Variants in SUZ12 observed in about 807,000 individuals in gnomAD.
SUZ12 encodes the protein SUZ12 polycomb repressive complex 2 subunit.
SUZ12 carries 17 observed loss-of-function variants against 87.3 expected under a neutral mutation model. The ratio of observed to expected loss-of-function variants is 0.19; its 90% CI spans 0.13 to 0.29. The LOEUF is 0.29. Ranked by LOEUF, SUZ12 falls within the 10% of genes least tolerant of loss-of-function variation. SUZ12 has a pLI of 1.00. For missense variants in SUZ12, 526 were observed against 912.2 expected, an observed-to-expected ratio of 0.58 and a Z score of 5.45; for synonymous variants, 253 against 312.4, an observed-to-expected ratio of 0.81 and a Z score of 2.01.
chr17:31,949,276 TG>T (rs1906806843), intron 4 of SUZ12, among the ~76,000 whole-genome samples: 2 of 152,360 alleles, frequency 1.3e-5, no homozygotes, highest in South Asian at 4.1e-4. Flanking sequence ...TTGTTCCTTT[TG>T]ACCTGGTGGG....
intron 4 of SUZ12, among the ~76,000 whole-genome samples, chr17:31,957,542 G>T (rs1241602627): frequency 1.3e-5 from 2 of 151,930 alleles, no homozygotes; most frequent in Non-Finnish European, 2.9e-5. Flanking sequence ...CTCCCGAGTA[G>T]CCGGGATTAC....
At chr17:31,940,887 G>A (rs1201640542) in intron 3 of SUZ12, among the ~76,000 whole-genome samples, 1 of 151,778 alleles carries the variant, frequency 6.6e-6, no homozygotes, top group East Asian at 2.0e-4. Flanking sequence ...GTGTGTGCCT[G>A]TAATCCCAGT....
intron 8 of SUZ12, among the ~76,000 whole-genome samples, chr17:31,980,011 T>TAGAGAGAG (rs55882925): frequency 2.7e-5 from 4 of 145,962 alleles, no homozygotes; most frequent in Non-Finnish European, 4.5e-5. Flanking sequence ...TATATATGTA[T>TAGAGAGAG]AGAGAGAGAG....
At chr17:31,940,554 C>G in intron 3 of SUZ12, 68 bp downstream of exon 3, 3 of 1,472,110 alleles carry the variant, frequency 2.0e-6, no homozygotes, top group Non-Finnish European at 2.7e-6. Context: ...TACTATTTCT[C>G]AAAATTAAAA....
intron 1 of SUZ12, among the ~76,000 whole-genome samples, chr17:31,938,707 G>T (rs1906091137): frequency 6.6e-6 from 1 of 152,168 alleles, no homozygotes; most frequent in Non-Finnish European, 1.5e-5. Context: ...ATACTTGTTT[G>T]TACCCCTTCT....
chr17:31,969,517 A>G (rs777476856), intron 5 of SUZ12, among the ~76,000 whole-genome samples: 1 of 151,316 alleles, frequency 6.6e-6, no homozygotes, highest in South Asian at 2.1e-4. Context: ...CTGGACTCAA[A>G]CTCCTGGCCT....
At chr17:31,944,316 T>C (rs951398205) in intron 3 of SUZ12, among the ~76,000 whole-genome samples, 5 of 151,442 alleles carry the variant, frequency 3.3e-5, no homozygotes, top group African/African-American at 1.2e-4. Context: ...TTAGGAGAGA[T>C]GGGGTTTCTC....
At chr17:31,974,284 C>G (rs999212436) in intron 6 of SUZ12, among the ~76,000 whole-genome samples, 5 of 152,170 alleles carry the variant, frequency 3.3e-5, no homozygotes, top group Non-Finnish European at 5.9e-5. Flanking sequence ...CCTGTAATCC[C>G]AGCACTTTGA....
chr17:31,957,279 G>A (rs1426070925), intron 4 of SUZ12, among the ~76,000 whole-genome samples: 1 of 149,508 alleles, frequency 6.7e-6, no homozygotes, highest in Non-Finnish European at 1.5e-5. Flanking sequence ...TTGCTTTGTT[G>A]CCCAGGCTGT....
At chr17:31,994,081 T>A (rs1598189846) in intron 12 of SUZ12, 73 bp downstream of exon 12, 1 of 1,411,308 alleles carries the variant, frequency 7.1e-7, no homozygotes, top group Non-Finnish European at 9.4e-7. Context: ...TACATCTATG[T>A]ACCCACAAAA....
At chr17:31,974,482 G>A (rs1409197056) in intron 6 of SUZ12, among the ~76,000 whole-genome samples, 5 of 152,096 alleles carry the variant, frequency 3.3e-5, no homozygotes, top group South Asian at 2.1e-4. Context: ...AGCCGAGATC[G>A]CACAACTGCA....
At chr17:31,969,611 A>G (rs1033635172) in intron 5 of SUZ12, among the ~76,000 whole-genome samples, 3 of 152,126 alleles carry the variant, frequency 2.0e-5, no homozygotes, top group Non-Finnish European at 2.9e-5. Flanking sequence ...TAACTATTCT[A>G]TTTTAACTTT....
At chr17:31,960,256 G>C (rs1907619674) in intron 4 of SUZ12, among the ~76,000 whole-genome samples, 2 of 152,156 alleles carry the variant, frequency 1.3e-5, no homozygotes, top group Middle Eastern at 6.8e-3. Flanking sequence ...TGTTGCCCAG[G>C]TTGGAGTGCA....
chr17:31,961,151 T>TA (rs995678799), intron 4 of SUZ12, among the ~76,000 whole-genome samples: 9 of 150,784 alleles, frequency 6.0e-5, no homozygotes, highest in African/African-American at 2.2e-4. Flanking sequence ...AGGCAGAAGT[T>TA]ACAGTGAGCC....
rs1598171288 is a variant in SUZ12 at position 31,972,919 on chromosome 17, G to A, written c.506-227G>A. Among the ~76,000 whole-genome samples, 19 of 149,206 alleles carry A rather than the reference G, an allele frequency of 1.3e-4. No homozygotes were observed. In the Middle Eastern group the frequency reaches 0.01, roughly 80 times the overall value. ...TGGAAAAAAAAATTACAGCATATAG[G>A]ACGGTAATTATATTTGTTTTGTGAG... On this transcript the variant is annotated intron_variant, in intron 5 of 15. Coordinates refer to ENST00000322652, the MANE Select transcript of SUZ12 (RefSeq NM_015355.4).
At chr17:31,989,851 C>A (rs546141496) in intron 10 of SUZ12, among the ~76,000 whole-genome samples, 1 of 150,596 alleles carries the variant, frequency 6.6e-6, no homozygotes, top group Non-Finnish European at 1.5e-5. Flanking sequence ...CCTTGTGATC[C>A]GCCCGCCTTG....
chr17:31,973,531 G>A (rs908955286), intron 6 of SUZ12, among the ~76,000 whole-genome samples: 4 of 152,170 alleles, frequency 2.6e-5, no homozygotes, highest in Admixed American at 6.6e-5. Flanking sequence ...ATCTGTTAGC[G>A]TATTTCTTAG....
rs148845830 is a variant in SUZ12 at position 31,989,941 on chromosome 17, G to A, written c.1201+1444G>A. ...TATGTTTTTTATAACTCACATATAA[G>A]TTTTTCTGTTTGTTTGTTTTGTTTG... On this transcript the variant is annotated intron_variant, in intron 10 of 15. Transcript: ENST00000322652. Among the ~76,000 whole-genome samples, 7 of 150,250 alleles carry A rather than the reference G, an allele frequency of 4.7e-5. No homozygotes were observed. In the East Asian group the frequency reaches 1.4e-3, roughly 30 times the overall value.
chr17:31,995,862 T>TTAAAA, intron 14 of SUZ12, 100 bp downstream of exon 14: 1 of 701,232 alleles, frequency 1.4e-6, no homozygotes, highest in Non-Finnish European at 2.2e-6. Context: ...GAACTTTTTT[T>TTAAAA]AAAAAAAAAA....
Sources: allele counts gnomAD v4.1 joint callset (sites outside exome capture counted in the v4.1 genomes callset), GRCh38; gene constraint gnomAD v4.1.1; transcripts MANE v1.5; gene names NCBI Gene and HGNC (gene_info 2026-07-23, HGNC 2026-07-21).